Variants in GABRB3 observed in about 807,000 individuals in gnomAD.
The protein encoded by GABRB3 is gamma-aminobutyric acid type A receptor subunit beta3, also known as gamma-aminobutyric acid receptor subunit beta-3.
Under a neutral mutation model 52.1 loss-of-function variants are expected in GABRB3, and 14 were observed. The observed-to-expected ratio is 0.27, with a 90% CI of 0.18 to 0.42. GABRB3 has a LOEUF of 0.42. GABRB3 is among the 10% of genes least tolerant of loss of function. The pLI is 1.00. For synonymous variants in GABRB3, 260 were observed against 232.3 expected, an observed-to-expected ratio of 1.12 and a Z score of -1.08; for missense variants, 307 against 609.1, an observed-to-expected ratio of 0.50 and a Z score of 5.22.
chr15:26,573,861 G>A lies in GABRB3; in HGVS notation c.683-6128C>T, dbSNP rs201784850. 5.9e-5 allele frequency among the ~76,000 whole-genome samples: 9 copies of A among 152,150 alleles called. No individual in the cohort carries two copies. The East Asian group carries it at 1.4e-3, about 23-fold the overall frequency. On this transcript the variant is annotated intron_variant, in intron 6 of 8. Coordinates refer to ENST00000311550, the MANE Select transcript of GABRB3 (RefSeq NM_000814.6). ...ACCCAGGAGTTCAAGACCAGCCTGG[G>A]CAAAACAGTGAGACTCCATCTTTAC...
intron 3 of GABRB3, among the ~76,000 whole-genome samples, chr15:26,754,325 G>GAGAGACAGAGAC (rs902851113): frequency 6.6e-6 from 1 of 152,190 alleles, no homozygotes; most frequent in African/African-American, 2.4e-5. Context: ...CAAGAAAAGA[G>GAGAGACAGAGAC]AGAGACAGAG....
chr15:26,586,944 A>G (rs995325594), intron 4 of GABRB3, among the ~76,000 whole-genome samples: 2 of 152,068 alleles, frequency 1.3e-5, no homozygotes, highest in Non-Finnish European at 2.9e-5. Flanking sequence ...AAACAGGGAG[A>G]ATATGTTTTC....
chr15:26,715,060 G>A (rs1326545523), intron 3 of GABRB3, among the ~76,000 whole-genome samples: 1 of 152,138 alleles, frequency 6.6e-6, no homozygotes, highest in African/African-American at 2.4e-5. Context: ...CCATACTGAG[G>A]GCATGCAGAC....
At chr15:26,714,455 A>G (rs1889403966) in intron 3 of GABRB3, among the ~76,000 whole-genome samples, 1 of 152,234 alleles carries the variant, frequency 6.6e-6, no homozygotes, top group Non-Finnish European at 1.5e-5. Context: ...GGGAGACATG[A>G]GACATCAATC....
At chr15:26,629,085 G>A (rs1892827185) in intron 3 of GABRB3, 1 of 1,535,860 alleles carries the variant, frequency 6.5e-7, no homozygotes, top group African/African-American at 1.4e-5. Context: ...ACCGGAAGTT[G>A]TGACTGTCGC....
At chr15:26,563,570 A>G (rs987148999) in intron 7 of GABRB3, among the ~76,000 whole-genome samples, 15 of 152,298 alleles carry the variant, frequency 9.8e-5, no homozygotes, top group African/African-American at 3.4e-4. Flanking sequence ...CATCATTTCG[A>G]GCTGTTGGAA....
intron 3 of GABRB3, among the ~76,000 whole-genome samples, chr15:26,729,148 G>A (rs1264342604): frequency 6.6e-6 from 1 of 151,940 alleles, no homozygotes; most frequent in African/African-American, 2.4e-5. Context: ...CTTGCAGCAG[G>A]AAAGAGGTCT....
At chr15:26,582,391 T>G (rs1167992157) in intron 5 of GABRB3, among the ~76,000 whole-genome samples, 1 of 152,202 alleles carries the variant, frequency 6.6e-6, no homozygotes, top group African/African-American at 2.4e-5. Context: ...AGATCATCCT[T>G]CAAATACTGG....
chr15:26,672,782 G>C (rs1402038065), intron 3 of GABRB3, among the ~76,000 whole-genome samples: 1 of 152,176 alleles, frequency 6.6e-6, no homozygotes, highest in Non-Finnish European at 1.5e-5. Flanking sequence ...GATCAGAGCA[G>C]ATGCGCAATG....
chr15:26,684,233 C>T (rs1394648551), intron 3 of GABRB3, among the ~76,000 whole-genome samples: 1 of 152,124 alleles, frequency 6.6e-6, no homozygotes, highest in African/African-American at 2.4e-5. Context: ...TCTGGATCCA[C>T]CCAGGAGGAT....
chr15:26,572,629 T>C (rs553540118), intron 6 of GABRB3, among the ~76,000 whole-genome samples: 1 of 152,348 alleles, frequency 6.6e-6, no homozygotes, highest in South Asian at 2.1e-4. Context: ...GCGGTATCTA[T>C]GTGGAAAACT....
intron 3 of GABRB3, among the ~76,000 whole-genome samples, chr15:26,741,916 A>C: frequency 6.6e-6 from 1 of 152,190 alleles, no homozygotes; most frequent in East Asian, 1.9e-4. Context: ...TATTTATGCT[A>C]ATTTAACCAG....
At chr15:26,675,364 A>G (rs1888034480) in intron 3 of GABRB3, among the ~76,000 whole-genome samples, 1 of 152,168 alleles carries the variant, frequency 6.6e-6, no homozygotes, top group Non-Finnish European at 1.5e-5. Flanking sequence ...CCCTTCCAAG[A>G]GGACCTAACC....
rs1326596506 is a variant in GABRB3, at chr15:26,597,264, A to T, written c.462-13850T>A. Among the ~76,000 whole-genome samples the T allele has an allele frequency of 2.0e-5, 3 of 152,264 alleles. No homozygotes were observed. In the East Asian group the frequency reaches 5.8e-4, roughly 29 times the overall value. On this transcript the variant is annotated intron_variant, in intron 4 of 8. Coordinates refer to ENST00000311550, the MANE Select transcript of GABRB3 (RefSeq NM_000814.6). ...TCTACATTGGATAGTTTATCTAGGA[A>T]ATTTTAATAAATTGGCTCATGTTTC...
At position 26,547,773 on chromosome 15, in the gene GABRB3, GA is replaced by G. The variant is rs1159943117; in HGVS notation, c.*19del. On this transcript the variant is annotated 3_prime_UTR_variant, in exon 9 of 9. Coordinates refer to ENST00000311550, the MANE Select transcript of GABRB3 (RefSeq NM_000814.6). ...TCACTCAGTGTTAAATGAAGTCTTT[GA>G]AAAATCAAGTACAGTCACTCAGTTA... The G allele has an allele frequency of 6.2e-7, 1 of 1,601,228 alleles. No individual in the cohort carries two copies. The highest frequency in any genetic ancestry group is 2.2e-5 in the East Asian group (1 of 44,810).
chr15:26,604,996 G>A (rs1891728219), intron 4 of GABRB3, among the ~76,000 whole-genome samples: 1 of 152,086 alleles, frequency 6.6e-6, no homozygotes, highest in Admixed American at 6.6e-5. Flanking sequence ...CAAAACAGGA[G>A]AAAATATTTG....
At chr15:26,634,992 A>ATATAT (rs1893013274) in intron 3 of GABRB3, among the ~76,000 whole-genome samples, 1 of 4,884 alleles carries the variant, frequency 2.0e-4, no homozygotes, top group African/African-American at 2.4e-4. Flanking sequence ...CTAAATATAT[A>ATATAT]TATATATATA....
chr15:26,642,135 C>T (rs1893218898), intron 3 of GABRB3, among the ~76,000 whole-genome samples: 1 of 152,198 alleles, frequency 6.6e-6, no homozygotes, highest in Non-Finnish European at 1.5e-5. Context: ...GCAAGCAATC[C>T]TTCTGCCTCG....
chr15:26,677,026 G>A lies in GABRB3; in HGVS notation c.241-55492C>T, dbSNP rs527807590. On this transcript the variant is annotated intron_variant, in intron 3 of 8. Transcript: ENST00000311550. The stretch of plus-strand genomic sequence containing the variant: ...TATGACAGGTCTGGGACCTGTGCTG[G>A]GAAGAACTCTTCCATGATTGAAATG... Among the ~76,000 whole-genome samples, 229 of 152,248 alleles carry A rather than the reference G, an allele frequency of 1.5e-3. 1 individual carries two copies. The highest frequency in any genetic ancestry group is 3.4e-3 in the Middle Eastern group (1 of 294).
Sources: gnomAD v4.1 joint callset for allele counts (sites outside exome capture counted in the v4.1 genomes callset) on GRCh38, gnomAD v4.1.1 for gene constraint, MANE v1.5 for transcripts, NCBI Gene and HGNC (gene_info 2026-07-23, HGNC 2026-07-21) for gene names.